The following SNRNP40 variants were observed in gnomAD, a reference collection of about 807,000 sequenced individuals.
SNRNP40 encodes small nuclear ribonucleoprotein U5 subunit 40, also known as U5 small nuclear ribonucleoprotein 40 kDa protein.
SNRNP40 carries 21 observed loss-of-function variants against 45.8 expected under a neutral mutation model. That is an observed-to-expected ratio of 0.46 (90% confidence interval 0.32 to 0.66). SNRNP40 has a LOEUF of 0.66. Ranked by LOEUF, SNRNP40 falls within the 30% of genes least tolerant of loss-of-function variation. SNRNP40 has a pLI of 0.03. For missense variants in SNRNP40, 344 were observed against 439.1 expected (o/e 0.78, Z 1.94); for synonymous variants, 142 against 163.8 (o/e 0.87, Z 1.01).
At chr1:31,283,128 T>C (rs897703227) in intron 4 of SNRNP40, among the ~76,000 whole-genome samples, 4 of 152,142 alleles carry the variant, frequency 2.6e-5, no homozygotes, top group Admixed American at 2.0e-4. Context: ...GGCAAGGAGT[T>C]GAAGGCAGGC....
At chr1:31,269,512 G>A in intron 6 of SNRNP40, 2 of 628,490 alleles carry the variant, frequency 3.2e-6, no homozygotes, top group Non-Finnish European at 4.7e-6. Flanking sequence ...AATGCAGTTG[G>A]GTGTGATACT....
chr1:31,293,144 T>C, intron 2 of SNRNP40, 75 bp downstream of exon 2: 1 of 1,527,970 alleles, frequency 6.5e-7, no homozygotes, highest in Non-Finnish European at 9.0e-7. Context: ...ATACCTTCTG[T>C]GGCACCCAAG....
rs1305424201 is a variant in SNRNP40, at chr1:31,289,271, C to T, written c.514G>A (p.Asp172Asn). 1.2e-6 allele frequency: 2 copies of T among 1,614,094 alleles called. No individual in the cohort carries two copies. Among genetic ancestry groups the T allele is most frequent in the East Asian group, 4.5e-5 (2 of 44,882 alleles). ...RGPQLVCTGS[D>N]DGTVKLWDIR... ...ATACCCACCTTAACTGTGCCATCGTCACTGCCAGTGCAGACAAGCTGAGGG... is the reference window on the plus strand; with the variant it reads ...ATACCCACCTTAACTGTGCCATCGTTACTGCCAGTGCAGACAAGCTGAGGG... Residue 172 changes from aspartate (D) to asparagine (N), a missense_variant, in exon 4 of 10, where the codon GAC becomes AAC. Physicochemically the swap from Asp to Asn is conservative, Grantham distance 23. Coordinates refer to ENST00000263694, the MANE Select transcript of SNRNP40 (RefSeq NM_004814.3).
At chr1:31,294,980 C>A (rs564285523) in intron 1 of SNRNP40, among the ~76,000 whole-genome samples, 2 of 149,904 alleles carry the variant, frequency 1.3e-5, no homozygotes, top group South Asian at 4.2e-4. Context: ...AGGCACTGGG[C>A]AAACAGCAAT....
intron 4 of SNRNP40, among the ~76,000 whole-genome samples, chr1:31,285,241 C>CCT (rs1646048940): frequency 1.0e-5 from 1 of 99,674 alleles, no homozygotes; most frequent in South Asian, 2.6e-4. Context: ...TGCCTTATCA[C>CCT]CTTTTTTTTT....
intron 4 of SNRNP40, among the ~76,000 whole-genome samples, chr1:31,284,137 C>T (rs1300138880): frequency 6.6e-6 from 1 of 152,084 alleles, no homozygotes; most frequent in Admixed American, 6.5e-5. Flanking sequence ...ATGGGAGGAT[C>T]GCTTGGGCCA....
intron 5 of SNRNP40, among the ~76,000 whole-genome samples, chr1:31,272,002 T>C (rs914968506): frequency 1.3e-5 from 2 of 152,154 alleles, no homozygotes; most frequent in African/African-American, 4.8e-5. Context: ...AACGAATGCA[T>C]ATCAAATGTT....
chr1:31,293,927 G>A (rs183642413), intron 1 of SNRNP40, among the ~76,000 whole-genome samples: 2 of 152,102 alleles, frequency 1.3e-5, no homozygotes, highest in East Asian at 3.9e-4. Context: ...TTGGTATGGA[G>A]TACTGGGTGA....
chr1:31,281,758 T>C (rs114454049), intron 4 of SNRNP40: 2,826 of 281,374 alleles, frequency 0.01, 65 homozygotes, highest in African/African-American at 0.055. Flanking sequence ...TAAATCAACA[T>C]ACTCTTAGAA....
chr1:31,271,627 T>G (rs1458298223), intron 5 of SNRNP40, 128 bp from the exon 6 acceptor site: 1 of 937,074 alleles, frequency 1.1e-6, no homozygotes, highest in African/African-American at 1.7e-5. Context: ...AGGATTTCTG[T>G]CAAAGAGAAA....
chr1:31,281,542 A>C, intron 4 of SNRNP40, 46 bp from the exon 5 acceptor site: 2 of 1,566,770 alleles, frequency 1.3e-6, no homozygotes, highest in Non-Finnish European at 8.7e-7. Flanking sequence ...CATTCTAAGA[A>C]GCAATTGCAC....
Position 31,271,511 on chromosome 1 carries a change from G to C in SNRNP40, c.655-12C>G. ...CGCAGGTCCCAGACCTGCAAAAACAGAAAGGTGCCCCCAGAAATCAAATTA... is the reference window on the plus strand; with the variant it reads ...CGCAGGTCCCAGACCTGCAAAAACACAAAGGTGCCCCCAGAAATCAAATTA... On this transcript the variant is annotated splice_polypyrimidine_tract_variant and intron_variant, in intron 5 of 9. Coordinates refer to ENST00000263694, the MANE Select transcript of SNRNP40 (RefSeq NM_004814.3). 2 of 1,593,992 alleles carry C rather than the reference G, an allele frequency of 1.3e-6. No homozygotes were observed. The highest frequency in any genetic ancestry group is 8.5e-7 in the Non-Finnish European group (1 of 1,174,934).
At chr1:31,281,278 T>C in intron 5 of SNRNP40, 96 bp downstream of exon 5, 1 of 1,012,266 alleles carries the variant, frequency 9.9e-7, no homozygotes, top group South Asian at 1.9e-5. Flanking sequence ...TCAGTTGGTA[T>C]TAAGTGCAAA....
chr1:31,294,218 A>C (rs1646125713), intron 1 of SNRNP40, among the ~76,000 whole-genome samples: 1 of 152,208 alleles, frequency 6.6e-6, no homozygotes, highest in African/African-American at 2.4e-5. Context: ...TTGGCCTCCC[A>C]GAGTGCTGGG....
chr1:31,262,521 C>CAAAA (rs57503418), intron 8 of SNRNP40, among the ~76,000 whole-genome samples: 2 of 40,602 alleles, frequency 4.9e-5, no homozygotes, highest in Non-Finnish European at 9.8e-5. Flanking sequence ...ACTCCATCTC[C>CAAAA]AAAAAAAAAA....
intron 8 of SNRNP40, chr1:31,263,385 T>C (rs1413394977): frequency 1.3e-5 from 2 of 153,202 alleles, no homozygotes; most frequent in African/African-American, 4.9e-5. Context: ...TCCTATGTTG[T>C]TAAGGCTGGT....
Position 31,259,831 on chromosome 1 carries a change from A to G in SNRNP40, c.*241T>C. 2 of 490,358 alleles carry G rather than the reference A, an allele frequency of 4.1e-6. No individual in the cohort carries two copies. The highest frequency in any genetic ancestry group is 7.6e-6 in the Non-Finnish European group (2 of 264,546). The allele number at this position is 490,358 out of a possible 1,614,324, so 30.4% of individuals were successfully genotyped here. On this transcript the variant is annotated 3_prime_UTR_variant, in exon 10 of 10. Transcript: ENST00000263694. ...TTAGAAAACAGGAAAAAAGAAAAAG[A>G]AAAAAAAAAACAGTCCCTGAAATCT... is the stretch of plus-strand genomic sequence containing the variant.
intron 4 of SNRNP40, among the ~76,000 whole-genome samples, chr1:31,284,572 G>A (rs1646042342): frequency 6.6e-6 from 1 of 152,204 alleles, no homozygotes; most frequent in Admixed American, 6.5e-5. Flanking sequence ...TGAACCACAA[G>A]TAAATGATTT....
intron 4 of SNRNP40, chr1:31,282,254 T>C (rs995135846): frequency 8.5e-5 from 13 of 152,302 alleles, no homozygotes; most frequent in African/African-American, 3.1e-4. Context: ...GGTGGCTCTC[T>C]GAAGGATGAG....
Sources: gnomAD v4.1 joint callset for allele counts (sites outside exome capture counted in the v4.1 genomes callset) on GRCh38, gnomAD v4.1.1 for gene constraint, MANE v1.5 for transcripts, NCBI Gene and HGNC (gene_info 2026-07-23, HGNC 2026-07-21) for gene names.